RALB: variants seen among roughly 807,000 people sequenced by gnomAD.
The protein encoded by RALB is RAS like proto-oncogene B.
RALB carries 16 observed loss-of-function variants against 21.3 expected under a neutral mutation model. That is an observed-to-expected ratio of 0.75 (90% CI 0.51 to 1.14). The LOEUF is 1.14. Ranked by LOEUF, RALB falls within the 50% of genes most tolerant of loss-of-function variation. The probability of loss-of-function intolerance (pLI) is 0.00; values close to 1 mark genes in which losing one functional copy is unlikely to be tolerated. For synonymous variants in RALB, 93 were observed against 96.1 expected, an observed-to-expected ratio of 0.97 and a Z score of 0.19; for missense variants, 161 against 256.2, an observed-to-expected ratio of 0.63 and a Z score of 2.54.
At chr2:120,260,802 G>A (rs1689347969) in intron 1 of RALB, among the ~76,000 whole-genome samples, 1 of 152,220 alleles carries the variant, frequency 6.6e-6, no homozygotes, top group African/African-American at 2.4e-5. Flanking sequence ...AGAGGAGGAG[G>A]GCATGGGAAG....
At chr2:120,286,874 A>G (rs910075950) in intron 3 of RALB, among the ~76,000 whole-genome samples, 5 of 152,222 alleles carry the variant, frequency 3.3e-5, no homozygotes, top group Non-Finnish European at 7.3e-5. Flanking sequence ...AGAAAAAGAA[A>G]ATATAGCAGT....
chr2:120,283,623 G>A (rs1237555811), intron 2 of RALB, among the ~76,000 whole-genome samples: 2 of 152,180 alleles, frequency 1.3e-5, no homozygotes, highest in Admixed American at 6.5e-5. Flanking sequence ...TAACATACTC[G>A]TTTTTGCCTT....
intron 1 of RALB, among the ~76,000 whole-genome samples, chr2:120,246,035 CG>C (rs920877053): frequency 8.5e-5 from 13 of 152,182 alleles, no homozygotes; most frequent in Admixed American, 6.5e-5. Flanking sequence ...TTTTACCCCC[CG>C]ACACCACCCC....
intron 1 of RALB, among the ~76,000 whole-genome samples, chr2:120,264,078 ACCTCAGGTGATCCACCTG>A (rs1689438035): frequency 6.6e-6 from 1 of 151,726 alleles, no homozygotes; most frequent in African/African-American, 2.4e-5. Context: ...CGAACTCCTG[ACCTCAGGTGATCCACCTG>A]CCTCAGCCTC....
At position 120,252,966 on chromosome 2, in the gene RALB, C is replaced by A. The variant is rs1689092723; in HGVS notation, c.-62C>A. 9.1e-6 allele frequency: 9 copies of A among 985,218 alleles called. No individual in the cohort carries two copies. In the African/African-American group the frequency reaches 1.2e-4, roughly 13 times the overall value. The allele number at this position is 985,218 out of a possible 1,614,324, so 61.0% of individuals were successfully genotyped here. A position where few individuals can be genotyped will look rare whatever the true frequency, so the allele number is the denominator to read the frequency against. Reference sequence around the variant, plus strand: ...GGCCGGGTGCGGACGGCGGAGGCGGCGGGACTGGTCCCTGGTAAGGGCGCG... The same window carrying A: ...GGCCGGGTGCGGACGGCGGAGGCGGAGGGACTGGTCCCTGGTAAGGGCGCG... On this transcript the variant is annotated 5_prime_UTR_variant, in exon 1 of 5. Coordinates refer to ENST00000272519, the MANE Select transcript of RALB (RefSeq NM_002881.3).
chr2:120,271,827 T>C (rs1006257822), intron 1 of RALB, among the ~76,000 whole-genome samples: 36 of 152,216 alleles, frequency 2.4e-4, no homozygotes, highest in African/African-American at 8.4e-4. Flanking sequence ...ATGTGAGAAA[T>C]TACATTAAAA....
intron 1 of RALB, among the ~76,000 whole-genome samples, chr2:120,264,261 C>T (rs902237692): frequency 6.6e-6 from 1 of 152,084 alleles, no homozygotes; most frequent in African/African-American, 2.4e-5. Flanking sequence ...AGCAATTCTC[C>T]CTGCCTCAGC....
intron 1 of RALB, among the ~76,000 whole-genome samples, chr2:120,243,301 C>T (rs1688922440): frequency 6.6e-6 from 1 of 152,222 alleles, no homozygotes; most frequent in Admixed American, 6.5e-5. Flanking sequence ...AAGAAGGCTT[C>T]TTAGAGGAGG....
rs367623260 is a variant in RALB, at chr2:120,258,534, C to T, written c.-48+5554C>T. ...CCGCTCATGGTGAGCCTTTAAGGAG[C>T]GTTAAGCACAGTTTCATGTGCAGTG... is the stretch of plus-strand genomic sequence containing the variant. On this transcript the variant is annotated intron_variant, in intron 1 of 4. Transcript: ENST00000272519. Among the ~76,000 whole-genome samples the T allele has an allele frequency of 1.4e-4, 21 of 152,240 alleles. No individual in the cohort carries two copies. In the East Asian group the frequency reaches 2.9e-3, roughly 21 times the overall value.
chr2:120,258,918 C>T (rs1028430291), intron 1 of RALB, among the ~76,000 whole-genome samples: 1 of 151,970 alleles, frequency 6.6e-6, no homozygotes, highest in African/African-American at 2.4e-5. Context: ...TCTGTCCCTT[C>T]TGATGTTCAG....
chr2:120,267,341 CA>C (rs1243842617), intron 1 of RALB, among the ~76,000 whole-genome samples: 3 of 152,034 alleles, frequency 2.0e-5, no homozygotes, highest in Non-Finnish European at 4.4e-5. Context: ...AGAAAAAAGT[CA>C]AAAATTGAAA....
At chr2:120,275,779 G>C (rs921133543) in intron 1 of RALB, among the ~76,000 whole-genome samples, 4 of 152,172 alleles carry the variant, frequency 2.6e-5, no homozygotes, top group Admixed American at 2.6e-4. Flanking sequence ...GTGACATCCA[G>C]AGTTCTTGGT....
chr2:120,249,019 G>T (rs1334985175), upstream of RALB, among the ~76,000 whole-genome samples: 6 of 145,944 alleles, frequency 4.1e-5, no homozygotes. Context: ...CCTCCTGTTT[G>T]AACCTTGTGT....
intron 1 of RALB, among the ~76,000 whole-genome samples, chr2:120,246,583 C>T (rs1315016915): frequency 6.6e-6 from 1 of 152,226 alleles, no homozygotes; most frequent in Admixed American, 6.5e-5. Flanking sequence ...TCTGTCTGTC[C>T]AGCCATCCAG....
chr2:120,258,920 G>A (rs1474884519), intron 1 of RALB, among the ~76,000 whole-genome samples: 1 of 151,958 alleles, frequency 6.6e-6, no homozygotes, highest in African/African-American at 2.4e-5. Flanking sequence ...TGTCCCTTCT[G>A]ATGTTCAGAT....
At chr2:120,275,849 T>G (rs1341317742) in intron 1 of RALB, among the ~76,000 whole-genome samples, 1 of 152,062 alleles carries the variant, frequency 6.6e-6, no homozygotes, top group South Asian at 2.1e-4. Context: ...GAGCAGAAAT[T>G]GAATAGGAGA....
chr2:120,244,801 G>T (rs974006379), intron 1 of RALB, among the ~76,000 whole-genome samples: 11 of 152,220 alleles, frequency 7.2e-5, no homozygotes, highest in Admixed American at 7.2e-4. Context: ...AATTTCCCAT[G>T]CTCAGGCATC....
At position 120,289,729 on chromosome 2, in the gene RALB, C is replaced by G. The variant is rs769404128; in HGVS notation, c.473C>G (p.Ser158Ter). ...EEWGVQYVETSAKTRANVDKV... is the reference protein window; with the variant it reads ...EEWGVQYVET ...TGGGGCGTGCAGTACGTGGAGACGT[C>G]AGCGAAGACCCGGGCCAACGTGGAC... The change falls in exon 4 of 5, where the codon TCA becomes TGA. Residue 158 changes from serine to a stop codon, truncating the protein, a stop_gained. Transcript: ENST00000272519. LOFTEE classifies it high-confidence loss of function. 3.1e-6 allele frequency: 5 copies of G among 1,610,890 alleles called. No homozygotes were observed. The highest frequency in any genetic ancestry group is 4.2e-6 in the Non-Finnish European group (5 of 1,178,640).
chr2:120,255,792 G>A (rs1166280593), intron 1 of RALB, among the ~76,000 whole-genome samples: 1 of 152,108 alleles, frequency 6.6e-6, no homozygotes, highest in African/African-American at 2.4e-5. Context: ...TTTTGGTGAT[G>A]GTGGCTAGTT....
Sources: gnomAD v4.1 joint callset for allele counts (sites outside exome capture counted in the v4.1 genomes callset) on GRCh38, gnomAD v4.1.1 for gene constraint, MANE v1.5 for transcripts, NCBI Gene and HGNC (gene_info 2026-07-23, HGNC 2026-07-21) for gene names.